Variants in PCCA observed in about 807,000 individuals in gnomAD.
PCCA encodes propionyl-CoA carboxylase subunit alpha.
In PCCA, 74 loss-of-function variants were observed where a neutral mutation model predicts 101.3. The observed-to-expected ratio is 0.73, with a 90% CI of 0.61 to 0.89. PCCA has a LOEUF of 0.89. PCCA is among the 40% of genes least tolerant of loss of function. The probability of loss-of-function intolerance (pLI) is 0.00; values close to 1 mark genes in which losing one functional copy is unlikely to be tolerated. For synonymous variants in PCCA, 294 were observed against 313.6 expected, an observed-to-expected ratio of 0.94 and a Z score of 0.66; for missense variants, 891 against 907.0, an observed-to-expected ratio of 0.98 and a Z score of 0.23.
intron 4 of PCCA, among the ~76,000 whole-genome samples, chr13:100,134,674 T>A (rs2050933834): frequency 6.6e-6 from 1 of 152,040 alleles, no homozygotes; most frequent in Non-Finnish European, 1.5e-5. Context: ...CACCTCAGCC[T>A]CCTGAGTAGC....
intron 20 of PCCA, among the ~76,000 whole-genome samples, chr13:100,446,012 A>C (rs1321789147): frequency 6.6e-6 from 1 of 152,018 alleles, no homozygotes. Context: ...TAATGGCTGA[A>C]TCTTGTTCAT....
intron 8 of PCCA, among the ~76,000 whole-genome samples, chr13:100,254,113 G>A (rs2061928183): frequency 6.6e-6 from 1 of 152,168 alleles, no homozygotes; most frequent in African/African-American, 2.4e-5. Flanking sequence ...CAGGCAAGAA[G>A]AGAATGAGTG....
chr13:100,370,074 C>CTTTTTTTTTTTTTTTTTTTT, intron 19 of PCCA, among the ~76,000 whole-genome samples: 1 of 74,640 alleles, frequency 1.3e-5, no homozygotes, highest in Non-Finnish European at 2.3e-5. Flanking sequence ...GCTGTTACTT[C>CTTTTTTTTTTTTTTTTTTTT]TTTTTTTTTT....
At chr13:100,527,834 G>A in intron 23 of PCCA, 82 bp downstream of exon 23, 1 of 1,063,330 alleles carries the variant, frequency 9.4e-7, no homozygotes, top group East Asian at 2.4e-5. Flanking sequence ...GGTTTGGCTG[G>A]AAAGGGCCAC....
chr13:100,175,944 A>C (rs2056199588), intron 6 of PCCA, among the ~76,000 whole-genome samples: 1 of 152,220 alleles, frequency 6.6e-6, no homozygotes, highest in East Asian at 1.9e-4. Context: ...TAGACGTAAG[A>C]TGTGAATACT....
chr13:100,251,337 G>A (rs1594933936), intron 8 of PCCA, among the ~76,000 whole-genome samples: 1 of 152,166 alleles, frequency 6.6e-6, no homozygotes, highest in East Asian at 1.9e-4. Flanking sequence ...CAGTCTGAAT[G>A]TTCATTCACA....
chr13:100,409,450 A>G (rs1052160685), intron 19 of PCCA, among the ~76,000 whole-genome samples: 6 of 152,140 alleles, frequency 3.9e-5, no homozygotes, highest in Non-Finnish European at 7.4e-5. Context: ...AAAAGGGGGA[A>G]CAGGGACTCA....
In PCCA at chr13:100,515,682, C is replaced by T; in HGVS notation, c.2040+115C>T. 3.3e-6 allele frequency: 4 copies of T among 1,209,284 alleles called. 1 individual carries two copies. In the South Asian group the frequency reaches 4.9e-5, roughly 15 times the overall value. The allele number at this position is 1,209,284 out of a possible 1,614,324, so 74.9% of individuals were successfully genotyped here. A position where few individuals can be genotyped will look rare whatever the true frequency, so the allele number is the denominator to read the frequency against. ...CTTTGCAGTTCTTACTTAACCGACG[C>T]CCCCTAAACAGCAAAATCGATTGCG... On this transcript the variant is annotated intron_variant, in intron 22 of 23. Transcript: ENST00000376285.
chr13:100,283,010 C>A (rs2064265310), intron 12 of PCCA, among the ~76,000 whole-genome samples: 1 of 151,836 alleles, frequency 6.6e-6, no homozygotes, highest in Non-Finnish European at 1.5e-5. Context: ...GGAATTTGGC[C>A]CAACCCGGGT....
intron 18 of PCCA, among the ~76,000 whole-genome samples, chr13:100,340,689 T>C (rs917521951): frequency 6.6e-5 from 10 of 152,340 alleles, no homozygotes; most frequent in African/African-American, 2.4e-4. Flanking sequence ...AGTTAGTCAT[T>C]TGTGAGACAC....
intron 10 of PCCA, 101 bp from the exon 11 acceptor site, chr13:100,268,588 T>A (rs1477386681): frequency 2.4e-6 from 2 of 833,090 alleles, no homozygotes; most frequent in East Asian, 4.9e-5. Context: ...CTATGAAGTT[T>A]GAATATTAAA....
intron 2 of PCCA, among the ~76,000 whole-genome samples, chr13:100,106,963 C>G (rs1210269378): frequency 6.6e-6 from 1 of 152,194 alleles, no homozygotes; most frequent in Non-Finnish European, 1.5e-5. Context: ...GGTCGCTTCA[C>G]CCTTCACTTG....
intron 6 of PCCA, among the ~76,000 whole-genome samples, chr13:100,206,030 G>C (rs183497647): frequency 6.6e-6 from 1 of 151,996 alleles, no homozygotes; most frequent in East Asian, 1.9e-4. Flanking sequence ...TACTTCCTAC[G>C]TATGTGCTTT....
intron 21 of PCCA, among the ~76,000 whole-genome samples, chr13:100,513,814 G>A (rs1232677397): frequency 6.6e-6 from 1 of 152,238 alleles, no homozygotes; most frequent in Non-Finnish European, 1.5e-5. Context: ...AGAAGGCGCA[G>A]CTCAGGGCGA....
At chr13:100,133,778 C>T (rs112953401) in intron 4 of PCCA, among the ~76,000 whole-genome samples, 107 of 152,268 alleles carry the variant, frequency 7.0e-4, no homozygotes, top group African/African-American at 2.5e-3. Context: ...GACCCACCCC[C>T]AATCTGGGTG....
chr13:100,471,748 T>TGC (rs1297399854), intron 21 of PCCA, among the ~76,000 whole-genome samples: 1 of 152,216 alleles, frequency 6.6e-6, no homozygotes, highest in Non-Finnish European at 1.5e-5. Flanking sequence ...CATAAGTACA[T>TGC]GCTGTGTGTG....
chr13:100,410,282 C>T (rs2152868631), intron 19 of PCCA, among the ~76,000 whole-genome samples: 1 of 151,928 alleles, frequency 6.6e-6, no homozygotes, highest in South Asian at 2.1e-4. Flanking sequence ...CTCGCTCTGT[C>T]CCCAGGCTGG....
chr13:100,298,744 G>GTCCT (rs1566891576), intron 12 of PCCA, among the ~76,000 whole-genome samples: 2 of 105,026 alleles, frequency 1.9e-5, no homozygotes. Context: ...CCTTCCTTCC[G>GTCCT]TCCTTCCTTC....
chr13:100,429,928 A>G (rs1394255432), intron 20 of PCCA, among the ~76,000 whole-genome samples: 1 of 152,046 alleles, frequency 6.6e-6, no homozygotes, highest in Non-Finnish European at 1.5e-5. Context: ...TTATATCTAT[A>G]TAAAAGCTAA....
Sources: gnomAD v4.1 joint callset for allele counts (sites outside exome capture counted in the v4.1 genomes callset) on GRCh38, gnomAD v4.1.1 for gene constraint, MANE v1.5 for transcripts, NCBI Gene and HGNC (gene_info 2026-07-23, HGNC 2026-07-21) for gene names.